The following KLF12 variants were observed in gnomAD, a reference collection of about 807,000 sequenced individuals.
The protein encoded by KLF12 is KLF transcription factor 12, also known as Krueppel-like factor 12.
In KLF12, 9 loss-of-function variants were observed where a neutral mutation model predicts 37.8. That is an observed-to-expected ratio of 0.24 (90% CI 0.14 to 0.42). The LOEUF (loss-of-function observed/expected upper bound fraction) is 0.42. KLF12 is among the 10% of genes least tolerant of loss of function. The pLI, the probability that KLF12 is intolerant of heterozygous loss-of-function variation, is 1.00. For missense variants in KLF12, 411 were observed against 516.0 expected, an observed-to-expected ratio of 0.80 and a Z score of 1.97; for synonymous variants, 208 against 202.1, an observed-to-expected ratio of 1.03 and a Z score of -0.25.
At chr13:73,823,970 A>G (rs1361450670) in intron 4 of KLF12, among the ~76,000 whole-genome samples, 1 of 152,070 alleles carries the variant, frequency 6.6e-6, no homozygotes, top group East Asian at 1.9e-4. Context: ...TTGGACTCCC[A>G]AAGTGCTGGG....
At chr13:73,763,479 T>C (rs1879700497) in intron 6 of KLF12, among the ~76,000 whole-genome samples, 1 of 152,252 alleles carries the variant, frequency 6.6e-6, no homozygotes, top group Non-Finnish European at 1.5e-5. Context: ...AACATCACTT[T>C]TGTTTTCCAT....
At chr13:73,794,912 T>C (rs539787536) in intron 5 of KLF12, among the ~76,000 whole-genome samples, 34 of 152,344 alleles carry the variant, frequency 2.2e-4, no homozygotes, top group African/African-American at 7.7e-4. Context: ...CTCTGTGCTC[T>C]GCACCACATG....
intron 3 of KLF12, among the ~76,000 whole-genome samples, chr13:73,876,285 G>A (rs1886700013): frequency 6.6e-6 from 1 of 152,166 alleles, no homozygotes; most frequent in Non-Finnish European, 1.5e-5. Context: ...ATGCCTTTCG[G>A]CTTTTAGCTG....
At chr13:74,285,335 T>C in the KLF12 span, among the ~76,000 whole-genome samples, 1 of 152,184 alleles carries the variant, frequency 6.6e-6, no homozygotes, top group African/African-American at 2.4e-5. Context: ...TAAAACAATA[T>C]TAGTTAAGCG....
chr13:73,855,484 T>C (rs1322260377), intron 3 of KLF12, among the ~76,000 whole-genome samples: 1 of 152,220 alleles, frequency 6.6e-6, no homozygotes, highest in Non-Finnish European at 1.5e-5. Context: ...ATTTCCTTTA[T>C]CCAGTCCACT....
At chr13:74,134,809 C>A (rs1878477823), upstream of KLF12, among the ~76,000 whole-genome samples, 1 of 151,820 alleles carries the variant, frequency 6.6e-6, no homozygotes, top group African/African-American at 2.4e-5. Context: ...ACCCAAAAAG[C>A]GTGCAGCCCG....
At chr13:73,813,686 T>G (rs925703806) in intron 4 of KLF12, among the ~76,000 whole-genome samples, 1 of 152,106 alleles carries the variant, frequency 6.6e-6, no homozygotes, top group African/African-American at 2.4e-5. Flanking sequence ...CCCTGGAAGG[T>G]AGAGAGCATG....
intron 3 of KLF12, among the ~76,000 whole-genome samples, chr13:73,917,697 C>T (rs1888911755): frequency 6.6e-6 from 1 of 152,172 alleles, no homozygotes; most frequent in South Asian, 2.1e-4. Flanking sequence ...ATCTGGCAAA[C>T]AGGCAATAAA....
intron 1 of KLF12, among the ~76,000 whole-genome samples, chr13:74,038,919 A>T (rs1359167935): frequency 1.3e-5 from 2 of 152,012 alleles, no homozygotes; most frequent in Non-Finnish European, 2.9e-5. Context: ...GGAAAAAAAA[A>T]TGCTTTATGC....
At chr13:74,151,104 T>C in the KLF12 span, among the ~76,000 whole-genome samples, 1 of 152,218 alleles carries the variant, frequency 6.6e-6, no homozygotes, top group Non-Finnish European at 1.5e-5. Context: ...ATAAGTTTTT[T>C]AGCGGTTGGT....
At chr13:74,135,839 G>A (rs945693), upstream of KLF12, among the ~76,000 whole-genome samples, 2,202 of 152,302 alleles carry the variant, frequency 0.014, 38 homozygotes, top group Middle Eastern at 0.031. Flanking sequence ...GGGAGAGGCC[G>A]AGAAACAGGA....
rs369527484 is a variant in KLF12 at position 73,826,448 on chromosome 13, T to G, written c.671-13161A>C. Among the ~76,000 whole-genome samples, 4 of 152,334 alleles carry G rather than the reference T, an allele frequency of 2.6e-5. No homozygotes were observed. The East Asian group carries it at 5.8e-4, about 22-fold the overall frequency. On this transcript the variant is annotated intron_variant, in intron 4 of 7. Transcript: ENST00000377669. ...ATTAACTCGCTTATAAACTTGTTAC[T>G]TACAGATTTTCTTTCATGTCAAGTC...
At chr13:74,275,146 T>C in the KLF12 span, among the ~76,000 whole-genome samples, 1 of 152,218 alleles carries the variant, frequency 6.6e-6, no homozygotes, top group African/African-American at 2.4e-5. Context: ...ACCACAAATA[T>C]GAAAGCCTTG....
At chr13:73,885,656 G>A (rs1887185235) in intron 3 of KLF12, among the ~76,000 whole-genome samples, 1 of 152,224 alleles carries the variant, frequency 6.6e-6, no homozygotes, top group African/African-American at 2.4e-5. Context: ...TAGGAAAAGA[G>A]AATTCTAGGA....
chr13:73,998,320 G>T (rs1263027032), intron 1 of KLF12, among the ~76,000 whole-genome samples: 3 of 152,042 alleles, frequency 2.0e-5, no homozygotes, highest in Non-Finnish European at 2.9e-5. Context: ...TATTAAAATG[G>T]ACCCATAAGT....
At chr13:73,779,105 G>A (rs1880804123) in intron 5 of KLF12, among the ~76,000 whole-genome samples, 1 of 152,068 alleles carries the variant, frequency 6.6e-6, no homozygotes, top group South Asian at 2.1e-4. Flanking sequence ...TAATTATCTG[G>A]TCTTTGCCCT....
intron 1 of KLF12, among the ~76,000 whole-genome samples, chr13:74,090,607 T>A (rs1875593327): frequency 6.6e-6 from 1 of 152,166 alleles, no homozygotes; most frequent in African/African-American, 2.4e-5. Context: ...CTAATGATGA[T>A]GAACAATTTT....
the KLF12 span, among the ~76,000 whole-genome samples, chr13:74,223,389 C>T: frequency 6.6e-6 from 1 of 152,160 alleles, no homozygotes; most frequent in Middle Eastern, 3.2e-3. Context: ...TTTTAGACTT[C>T]TAGTACAGTT....
chr13:73,743,480 G>T (rs1159064914), intron 6 of KLF12, among the ~76,000 whole-genome samples: 4 of 152,122 alleles, frequency 2.6e-5, no homozygotes. Flanking sequence ...AAGCACCGTA[G>T]AATATGGCTT....
Sources: gnomAD v4.1 joint callset for allele counts (sites outside exome capture counted in the v4.1 genomes callset) on GRCh38, gnomAD v4.1.1 for gene constraint, MANE v1.5 for transcripts, NCBI Gene and HGNC (gene_info 2026-07-23, HGNC 2026-07-21) for gene names.